DARS1: variants seen among roughly 807,000 people sequenced by gnomAD.
DARS1 encodes the protein aspartyl-tRNA synthetase 1.
DARS1 carries 51 observed loss-of-function variants against 68.8 expected under a neutral mutation model. The ratio of observed to expected loss-of-function variants is 0.74; its 90% confidence interval spans 0.59 to 0.94. DARS1 has a LOEUF of 0.94. Ranked by LOEUF, DARS1 falls within the 40% of genes least tolerant of loss-of-function variation. The pLI is 0.00. For synonymous variants in DARS1, 203 were observed against 190.4 expected (o/e 1.07, Z -0.55); for missense variants, 607 against 597.3 (o/e 1.02, Z -0.17).
intron 3 of DARS1, among the ~76,000 whole-genome samples, chr2:135,973,914 T>C (rs367803188): frequency 4.6e-5 from 7 of 152,086 alleles, no homozygotes; most frequent in African/African-American, 1.7e-4. Flanking sequence ...CTGGATTGTA[T>C]GTAACACAAA....
intron 15 of DARS1, among the ~76,000 whole-genome samples, chr2:135,909,131 C>T (rs771832724): frequency 5.9e-5 from 4 of 67,362 alleles, no homozygotes; most frequent in Non-Finnish European, 8.4e-5. Context: ...TGGGGCCTGT[C>T]GGGAGGGTGG....
rs141892934 is a variant in DARS1, at chr2:135,924,942, AACAAT to A, written c.565-449_565-445del. The stretch of plus-strand genomic sequence containing the variant: ...CATGTATTTTTATTTTAACCATTAC[AACAAT>A]ACAATTGCAGATACTTGTGTATTTG... On this transcript the variant is annotated intron_variant, in intron 7 of 15. Transcript: ENST00000264161. 3.7e-4 allele frequency among the ~76,000 whole-genome samples: 56 copies of A among 152,346 alleles called. No homozygotes were observed. In the East Asian group the frequency reaches 0.011, roughly 29 times the overall value.
intron 3 of DARS1, among the ~76,000 whole-genome samples, chr2:135,969,773 A>G (rs1682325424): frequency 6.6e-6 from 1 of 152,182 alleles, no homozygotes; most frequent in Non-Finnish European, 1.5e-5. Flanking sequence ...AGCTGCCACA[A>G]TACTGAATTA....
rs1023168571 is a variant in DARS1 at position 135,965,662 on chromosome 2, G to A, written c.218-4164C>T. On this transcript the variant is annotated intron_variant, in intron 3 of 15. Transcript: ENST00000264161. ...GGTAAATTTGTGTAATGCTTCTGGA[G>A]AACAATTTGGCAATAAGCATTAAAA... Among the ~76,000 whole-genome samples, 3 of 152,272 alleles carry A rather than the reference G, an allele frequency of 2.0e-5. No homozygotes were observed. In the East Asian group the frequency reaches 5.8e-4, roughly 29 times the overall value.
At chr2:135,958,407 G>T (rs749549372) in intron 4 of DARS1, among the ~76,000 whole-genome samples, 1 of 152,012 alleles carries the variant, frequency 6.6e-6, no homozygotes, top group African/African-American at 2.4e-5. Flanking sequence ...CATTTTATGC[G>T]CTAAAACACA....
rs78628013 is a variant in DARS1, at chr2:135,952,593, T to C, written c.320+8803A>G. 8.5e-3 allele frequency among the ~76,000 whole-genome samples: 1,292 copies of C among 152,062 alleles called. 16 individuals carry two copies. Among genetic ancestry groups the C allele is most frequent in the African/African-American group, 0.027 (1,138 of 41,442 alleles). On this transcript the variant is annotated intron_variant, in intron 4 of 15. Coordinates refer to ENST00000264161, the MANE Select transcript of DARS1 (RefSeq NM_001349.4). ...CCCCCCACCAACTATTCTCTCTACA[T>C]CTATGTGATCAACATCTTTAGCACA...
In DARS1 at chr2:135,924,371, A is replaced by G; in HGVS notation, c.676+16T>C. The G allele has an allele frequency of 6.4e-7, 1 of 1,572,600 alleles. No individual in the cohort carries two copies. The highest frequency in any genetic ancestry group is 8.6e-7 in the Non-Finnish European group (1 of 1,167,884). On this transcript the variant is annotated intron_variant, in intron 8 of 15. Transcript: ENST00000264161. The stretch of plus-strand genomic sequence containing the variant: ...AATTTATTTTTAAAAATTAAGAGAA[A>G]TATTTTGAAGCATACCTGAAATAAT...
chr2:135,972,670 T>G (rs1026304198), intron 3 of DARS1, among the ~76,000 whole-genome samples: 1 of 152,084 alleles, frequency 6.6e-6, no homozygotes, highest in African/African-American at 2.4e-5. Context: ...ATTTACAAAC[T>G]ACCCATCTGA....
intron 13 of DARS1, 62 bp from the exon 14 acceptor site, chr2:135,911,555 G>T: frequency 2.7e-6 from 2 of 728,148 alleles, no homozygotes; most frequent in South Asian, 1.6e-5. Flanking sequence ...ACATATATAC[G>T]GAAAAAAATC....
At chr2:135,922,601 C>T (rs528016886) in intron 9 of DARS1, among the ~76,000 whole-genome samples, 183 bp downstream of exon 9, 2 of 152,134 alleles carry the variant, frequency 1.3e-5, no homozygotes, top group South Asian at 2.1e-4. Flanking sequence ...ATTACTATTA[C>T]TTTTAAGAAA....
intron 13 of DARS1, among the ~76,000 whole-genome samples, chr2:135,912,259 T>C (rs1193042952): frequency 6.6e-6 from 1 of 152,170 alleles, no homozygotes; most frequent in Non-Finnish European, 1.5e-5. Flanking sequence ...TTCAGAAAAA[T>C]GACCAAGTAA....
intron 15 of DARS1, among the ~76,000 whole-genome samples, chr2:135,909,829 C>T (rs1455850373): frequency 6.6e-6 from 1 of 151,940 alleles, no homozygotes; most frequent in African/African-American, 2.4e-5. Flanking sequence ...TATGAAAATC[C>T]AAAATGCTCC....
At chr2:135,959,321 T>C (rs1209055897) in intron 4 of DARS1, among the ~76,000 whole-genome samples, 2 of 135,156 alleles carry the variant, frequency 1.5e-5, no homozygotes, top group Non-Finnish European at 3.0e-5. Context: ...TTGAACCGGG[T>C]AGGAGGTTGC....
chr2:135,938,996 C>A (rs1219930874), intron 5 of DARS1, among the ~76,000 whole-genome samples: 1 of 152,138 alleles, frequency 6.6e-6, no homozygotes, highest in Non-Finnish European at 1.5e-5. Context: ...TACAGGAGCA[C>A]CCAGATTCAT....
At chr2:135,959,129 T>C (rs540449810) in intron 4 of DARS1, among the ~76,000 whole-genome samples, 1 of 152,156 alleles carries the variant, frequency 6.6e-6, no homozygotes, top group Non-Finnish European at 1.5e-5. Flanking sequence ...CGGTGGCTCA[T>C]GCCTGTAATC....
intron 8 of DARS1, 71 bp from the exon 9 acceptor site, chr2:135,922,989 A>C: frequency 7.6e-7 from 1 of 1,312,100 alleles, no homozygotes. Flanking sequence ...CCTCTAGTTA[A>C]AAAGTTTATA....
intron 4 of DARS1, among the ~76,000 whole-genome samples, chr2:135,952,521 T>C (rs527791455): frequency 6.6e-6 from 1 of 152,258 alleles, no homozygotes; most frequent in East Asian, 1.9e-4. Context: ...CTTCTTCCTA[T>C]CTGTAATTTT....
chr2:135,912,573 AAAG>A lies in DARS1; in HGVS notation c.1150-10_1150-8del. The A allele has an allele frequency of 2.4e-6, 2 of 820,038 alleles. No individual in the cohort carries two copies. The highest frequency in any genetic ancestry group is 2.6e-5 in the East Asian group (1 of 38,628). The allele number at this position is 820,038 out of a possible 1,614,324, so 50.8% of individuals were successfully genotyped here. The stretch of plus-strand genomic sequence containing the variant: ...TATAAAAATCTGTATCATACTATAA[AAAG>A]AATAAATGCAATTAAAATACATTTT... On this transcript the variant is annotated splice_region_variant and splice_polypyrimidine_tract_variant and intron_variant, in intron 12 of 15. Transcript: ENST00000264161.
chr2:135,939,277 A>T (rs1183771754), intron 5 of DARS1, among the ~76,000 whole-genome samples: 1 of 152,206 alleles, frequency 6.6e-6, no homozygotes, highest in Non-Finnish European at 1.5e-5. Context: ...CTCCTCAGCA[A>T]ATGTAAAAGA....
Sources: gnomAD v4.1 joint callset for allele counts (sites outside exome capture counted in the v4.1 genomes callset) on GRCh38, gnomAD v4.1.1 for gene constraint, MANE v1.5 for transcripts, NCBI Gene and HGNC (gene_info 2026-07-23, HGNC 2026-07-21) for gene names.